POLR3E: variants seen among roughly 807,000 people sequenced by gnomAD.
POLR3E encodes the protein RNA polymerase III subunit E.
A neutral mutation model predicts 96.6 loss-of-function variants in POLR3E; 41 were observed. The ratio of observed to expected loss-of-function variants is 0.42; its 90% CI spans 0.33 to 0.55. POLR3E has a LOEUF of 0.55. POLR3E is among the 20% of genes least tolerant of loss of function. POLR3E has a pLI of 0.06. For synonymous variants in POLR3E, 396 were observed against 383.6 expected, an observed-to-expected ratio of 1.03 and a Z score of -0.38; for missense variants, 849 against 952.1, an observed-to-expected ratio of 0.89 and a Z score of 1.43.
At chr16:22,332,386 C>T (rs1468438067) in intron 20 of POLR3E, among the ~76,000 whole-genome samples, 1 of 152,052 alleles carries the variant, frequency 6.6e-6, no homozygotes. Flanking sequence ...GAGGACTGAC[C>T]CCTTCAAACA....
At position 22,318,972 on chromosome 16, in the gene POLR3E, T is replaced by G; in HGVS notation, c.986+26T>G. 6.5e-7 allele frequency: 1 copy of G among 1,530,022 alleles called. No individual in the cohort carries two copies. The allele number at this position is 1,530,022 out of a possible 1,614,324, so 94.8% of individuals were successfully genotyped here. On this transcript the variant is annotated intron_variant, in intron 13 of 20. Transcript: ENST00000299853. This position sits in a 1 kb window ranked among gnomAD's most constrained non-coding sequence, Gnocchi z 5.0. ...GTAAGTTGCTTTTTTTATTTTTTAT[T>G]TTTATTTATTTTTTTCCTTGAGGCA...
At chr16:22,303,687 C>T (rs1328576120) in intron 2 of POLR3E, among the ~76,000 whole-genome samples, 1 of 140,780 alleles carries the variant, frequency 7.1e-6, no homozygotes, top group Non-Finnish European at 1.5e-5. Context: ...GTTGCCCAGG[C>T]TGGAGTTCAG....
At chr16:22,315,542 G>A (rs928563202) in intron 9 of POLR3E, among the ~76,000 whole-genome samples, 9 of 152,134 alleles carry the variant, frequency 5.9e-5, no homozygotes, top group African/African-American at 4.8e-5. Flanking sequence ...TGCATTCTCC[G>A]GTTCTGTCCT....
intron 9 of POLR3E, among the ~76,000 whole-genome samples, chr16:22,315,915 ACCTC>A (rs1323917531): frequency 2.0e-5 from 3 of 151,894 alleles, no homozygotes; most frequent in Non-Finnish European, 4.4e-5. Flanking sequence ...TGATCTGCCC[ACCTC>A]AGGCTCCCTA....
intron 6 of POLR3E, chr16:22,310,390 G>A (rs61672348): frequency 0.016 from 2,472 of 152,598 alleles, 85 homozygotes; most frequent in East Asian, 0.1. Context: ...GGGTTCAAGC[G>A]ATTCTCCTGC....
intron 20 of POLR3E, among the ~76,000 whole-genome samples, chr16:22,332,901 ATAAG>A (rs1413034305): frequency 6.6e-6 from 1 of 150,832 alleles, no homozygotes; most frequent in East Asian, 2.0e-4. Flanking sequence ...CCAGAGCCAT[ATAAG>A]TAATACTGTT....
intron 14 of POLR3E, among the ~76,000 whole-genome samples, 177 bp downstream of exon 14, chr16:22,323,108 A>T: frequency 6.6e-6 from 1 of 151,926 alleles, no homozygotes; most frequent in East Asian, 1.9e-4. Context: ...CTCGGGCTGG[A>T]AAGAACCTTC....
rs763000349 is a variant in POLR3E at position 22,317,193 on chromosome 16, C to A, written c.852C>A (p.Ile284=). The change falls in exon 12 of 21, where the codon ATC becomes ATA. Residue 284 remains isoleucine (I), a synonymous_variant. Transcript: ENST00000299853. ...TGCCCCTGGCCGATCAGATCAAGATCCTGATGAAGAATGGTGGGTGCCTAC... is the reference window on the plus strand; with the variant it reads ...TGCCCCTGGCCGATCAGATCAAGATACTGATGAAGAATGGTGGGTGCCTAC... The part of the protein sequence containing the change: ...RTLPLADQIK[I]LMKNVKVMPF... The A allele has an allele frequency of 1.2e-6, 2 of 1,612,680 alleles. No homozygotes were observed. Among genetic ancestry groups the A allele is most frequent in the Non-Finnish European group, 1.7e-6 (2 of 1,179,840 alleles).
intron 19 of POLR3E, 133 bp from the exon 20 acceptor site, chr16:22,331,927 C>A: frequency 2.4e-6 from 2 of 830,202 alleles, no homozygotes; most frequent in South Asian, 1.6e-5. Flanking sequence ...TCATCTTTAA[C>A]CAGAGGTGCT....
At chr16:22,312,897 A>AAAAAAAC (rs2048277722) in intron 6 of POLR3E, among the ~76,000 whole-genome samples, 7 of 151,348 alleles carry the variant, frequency 4.6e-5, no homozygotes, top group African/African-American at 1.7e-4. Flanking sequence ...AAAAAAAAAA[A>AAAAAAAC]CAGTAAAGTG....
chr16:22,326,028 C>G lies in POLR3E; in HGVS notation c.1616C>G (p.Ala539Gly). 6.2e-7 allele frequency: 1 copy of G among 1,601,964 alleles called. No individual in the cohort carries two copies. Among genetic ancestry groups the G allele is most frequent in the South Asian group, 1.1e-5 (1 of 89,578 alleles). Residue 539 changes from alanine (A) to glycine (G), a missense_variant, in exon 18 of 21, where the codon GCT becomes GGT. Ala to Gly is a moderately conservative substitution (Grantham distance 60). Coordinates refer to ENST00000299853, the MANE Select transcript of POLR3E (RefSeq NM_018119.4). ...GCCAACGGGCTGCCTCTCGGGCGGG[C>G]TGCGGGCACAGACAGCTTCAACGGG... is the stretch of plus-strand genomic sequence containing the variant. ...KLANGLPLGR[A>G]AGTDSFNGHP...
intron 1 of POLR3E, chr16:22,299,088 T>C (rs1308728666): frequency 2.2e-6 from 1 of 455,972 alleles, no homozygotes; most frequent in East Asian, 6.9e-5. Context: ...AGAGATGTGG[T>C]AGGGCCTGGG....
intron 20 of POLR3E, among the ~76,000 whole-genome samples, chr16:22,332,810 CTG>C (rs1257602791): frequency 2.0e-5 from 3 of 152,016 alleles, no homozygotes; most frequent in Admixed American, 2.0e-4. Flanking sequence ...TCTGAAGTGA[CTG>C]TAGTACAAAT....
Position 22,334,873 on chromosome 16 carries a change from T to G in POLR3E, c.*1173T>G, listed in dbSNP as rs1381312108. On this transcript the variant is annotated 3_prime_UTR_variant, in exon 21 of 21. Transcript: ENST00000299853. ...TAGATAAGGCTTTCGCCATCTTTTTTGTACAACACAGTCACTAATTGTCTG... is the reference window on the plus strand; with the variant it reads ...TAGATAAGGCTTTCGCCATCTTTTTGGTACAACACAGTCACTAATTGTCTG... 2.0e-5 allele frequency: 3 copies of G among 152,238 alleles called. No individual in the cohort carries two copies. Among genetic ancestry groups the G allele is most frequent in the Middle Eastern group, 3.2e-3 (1 of 316 alleles). 9.4% of individuals were successfully genotyped at this position (152,238 alleles called of 1,614,324 possible). A position where few individuals can be genotyped will look rare whatever the true frequency, so the allele number is the denominator to read the frequency against.
At chr16:22,299,886 AGAGACCG>A (rs148628920) in intron 1 of POLR3E, among the ~76,000 whole-genome samples, 11,486 of 150,020 alleles carry the variant, frequency 0.077, 1,142 homozygotes, top group African/African-American at 0.24. Context: ...TTTTTTAAAG[AGAGACCG>A]GGGGGCGGGG....
intron 18 of POLR3E, chr16:22,326,825 G>C (rs1052600994): frequency 6.0e-6 from 1 of 166,218 alleles, no homozygotes; most frequent in Non-Finnish European, 1.3e-5. Context: ...GCTGCGCCAC[G>C]CCCCAGCTTG....
intron 3 of POLR3E, among the ~76,000 whole-genome samples, chr16:22,307,161 G>A (rs924634280): frequency 2.6e-5 from 4 of 152,152 alleles, no homozygotes; most frequent in Non-Finnish European, 4.4e-5. Context: ...CCTCAGGGAG[G>A]CGAGGTGCCT....
intron 1 of POLR3E, among the ~76,000 whole-genome samples, chr16:22,297,798 C>T (rs977485421): frequency 2.6e-5 from 4 of 152,276 alleles, no homozygotes; most frequent in South Asian, 2.1e-4. Context: ...TCCAGCCGAC[C>T]TGCCCTATCC....
At chr16:22,326,480 T>C in intron 18 of POLR3E, 1 of 621,378 alleles carries the variant, frequency 1.6e-6, no homozygotes, top group East Asian at 2.8e-5. Context: ...GTCACAGGAC[T>C]GTGGTAGGGG....
Sources: gnomAD v4.1 joint callset for allele counts (sites outside exome capture counted in the v4.1 genomes callset) on GRCh38, gnomAD v4.1.1 for gene constraint, Gnocchi (gnomAD v3.1) non-coding constraint, MANE v1.5 for transcripts, NCBI Gene and HGNC (gene_info 2026-07-23, HGNC 2026-07-21) for gene names.